EIF4G2: variants seen among roughly 807,000 people sequenced by gnomAD.
The protein encoded by EIF4G2 is eukaryotic translation initiation factor 4 gamma 2.
A neutral mutation model predicts 117.7 loss-of-function variants in EIF4G2; 8 were observed. The ratio of observed to expected loss-of-function variants is 0.07; its 90% CI spans 0.04 to 0.12. EIF4G2 has a LOEUF of 0.12. EIF4G2 is among the 10% of genes least tolerant of loss of function. EIF4G2 has a pLI of 1.00. For synonymous variants in EIF4G2, 413 were observed against 367.8 expected, an observed-to-expected ratio of 1.12 and a Z score of -1.41; for missense variants, 812 against 1,086.2, an observed-to-expected ratio of 0.75 and a Z score of 3.55.
chr11:10,798,198 A>AT (rs1007287629), intron 21 of EIF4G2, among the ~76,000 whole-genome samples: 12 of 152,170 alleles, frequency 7.9e-5, no homozygotes, highest in African/African-American at 2.9e-4. Context: ...AATCACCTGG[A>AT]TTTTGTACCA....
In EIF4G2 at chr11:10,801,694, C is replaced by G; in HGVS notation, c.1380G>C (p.Arg460=). 1 of 1,614,128 alleles carries G rather than the reference C, an allele frequency of 6.2e-7. No individual in the cohort carries two copies. Among genetic ancestry groups the G allele is most frequent in the Non-Finnish European group, 8.5e-7 (1 of 1,180,012 alleles). Residue 460 remains arginine, a synonymous_variant, in exon 14 of 22, where the codon CGG becomes CGC. Transcript: ENST00000339995. ...CATTAAGCTGTCCTTTCTTAGAAAA[C>G]CGAGGTGGCATATCCTTCGACTGTC...
At chr11:10,806,109 TTC>T in intron 3 of EIF4G2, 62 bp from the exon 4 acceptor site, 10 of 1,601,232 alleles carry the variant, frequency 6.2e-6, no homozygotes, top group Non-Finnish European at 8.5e-6. Context: ...ACATCATAAA[TTC>T]TCTTACATAG....
chr11:10,807,664 G>A (rs1847622391), intron 1 of EIF4G2: 11 of 1,026,200 alleles, frequency 1.1e-5, no homozygotes, highest in Non-Finnish European at 1.3e-5. Context: ...TTAAAACTGA[G>A]CACTGAGATC....
chr11:10,798,006 T>C (rs749785136), intron 21 of EIF4G2, 125 bp from the exon 22 acceptor site: 116 of 825,812 alleles, frequency 1.4e-4, no homozygotes, highest in Non-Finnish European at 1.3e-4. Context: ...ACAATTTGTA[T>C]ATTAAGTTAA....
At chr11:10,806,329 AACC>A (rs1459624144) in intron 3 of EIF4G2, 3 of 451,466 alleles carry the variant, frequency 6.6e-6, no homozygotes, top group Non-Finnish European at 1.2e-5. Flanking sequence ...AACGCTGTGG[AACC>A]ACATTTTGAA....
At chr11:10,800,054 TAAAAA>T in intron 18 of EIF4G2, 31 bp downstream of exon 18, 1 of 1,595,890 alleles carries the variant, frequency 6.3e-7, no homozygotes, top group East Asian at 2.2e-5. Context: ...GATATAATAT[TAAAAA>T]AACAAAACAA....
At chr11:10,807,698 A>T (rs919411121) in intron 1 of EIF4G2, 47 of 999,476 alleles carry the variant, frequency 4.7e-5, no homozygotes, top group Non-Finnish European at 5.2e-5. Context: ...AACTACAGAC[A>T]CGAGCAACAT....
chr11:10,807,919 G>A (rs1474001217), intron 1 of EIF4G2: 3 of 1,013,794 alleles, frequency 3.0e-6, no homozygotes, highest in Non-Finnish European at 3.5e-6. Flanking sequence ...ATGGCAGCAG[G>A]AACCTCCGCC....
chr11:10,808,469 A>T, intron 1 of EIF4G2: 2 of 1,258,174 alleles, frequency 1.6e-6, no homozygotes, highest in South Asian at 1.3e-5. Flanking sequence ...CCATCCGGCC[A>T]TGACCGCACG....
chr11:10,806,893 A>T lies in EIF4G2; in HGVS notation c.42-8T>A, dbSNP rs977721210. The T allele has an allele frequency of 6.2e-7, 1 of 1,613,800 alleles. No individual in the cohort carries two copies. The highest frequency in any genetic ancestry group is 8.5e-7 in the Non-Finnish European group (1 of 1,179,996). ...CCTCCGCCCGAAGAAGCACTATTTA[A>T]AAGAAAAAAATTGTTTACTGTATCC... On this transcript the variant is annotated splice_region_variant and splice_polypyrimidine_tract_variant and intron_variant, in intron 2 of 21. Transcript: ENST00000339995.
At position 10,800,221 on chromosome 11, in the gene EIF4G2, T is replaced by C; in HGVS notation, c.1988A>G (p.Gln663Arg). The C allele has an allele frequency of 1.2e-6, 2 of 1,614,220 alleles. No homozygotes were observed. Among genetic ancestry groups the C allele is most frequent in the African/African-American group, 1.3e-5 (1 of 75,066 alleles). Reference sequence around the variant, plus strand: ...AAAATGGGTGCCACTTTCTAGTGGTTGAGCTAGTTCTGAAATGCTCACCAG... The same window carrying C: ...AAAATGGGTGCCACTTTCTAGTGGTCGAGCTAGTTCTGAAATGCTCACCAG... The change falls in exon 18 of 22, where the codon CAA becomes CGA. Residue 663 changes from glutamine to arginine, a missense_variant. Gln to Arg is a conservative substitution (Grantham distance 43, BLOSUM62 1). This residue lies in a region of EIF4G2 where 571 missense variants were observed against 642.3 expected (regional missense o/e 0.89). Coordinates refer to ENST00000339995, the MANE Select transcript of EIF4G2 (RefSeq NM_001418.4).
chr11:10,806,749 T>G, intron 3 of EIF4G2, 71 bp downstream of exon 3: 1 of 1,553,648 alleles, frequency 6.4e-7, no homozygotes, highest in Non-Finnish European at 8.9e-7. Context: ...TTGCCTTAAT[T>G]ATACCGTCAC....
chr11:10,799,364 A>G lies in EIF4G2; in HGVS notation c.2385T>C (p.Ser795=), dbSNP rs1847354411. 1 of 1,613,290 alleles carries G rather than the reference A, an allele frequency of 6.2e-7. No homozygotes were observed. The highest frequency in any genetic ancestry group is 8.5e-7 in the Non-Finnish European group (1 of 1,180,040). ...GCTCTAACTGTTCTTTGGAAGGAGC[A>G]GAGGATGAATCTGTTTCATCGCTGG... Residue 795 remains serine, a synonymous_variant, in exon 20 of 22, where the codon TCT becomes TCC. Coordinates refer to ENST00000339995, the MANE Select transcript of EIF4G2 (RefSeq NM_001418.4).
chr11:10,808,527 GAAGA>G, intron 1 of EIF4G2, 174 bp downstream of exon 1: 1 of 1,194,280 alleles, frequency 8.4e-7, no homozygotes, highest in Non-Finnish European at 1.1e-6. Flanking sequence ...TCAGCAACAG[GAAGA>G]GAGAACAAAA....
intron 5 of EIF4G2, chr11:10,804,704 A>G (rs1372556897): frequency 3.3e-6 from 2 of 603,220 alleles, no homozygotes; most frequent in Non-Finnish European, 5.7e-6. Flanking sequence ...TTACCTCTTC[A>G]ACCATACCAT....
intron 11 of EIF4G2, among the ~76,000 whole-genome samples, 161 bp from the exon 12 acceptor site, chr11:10,802,596 A>ATT (rs1438006770): frequency 6.6e-5 from 10 of 152,322 alleles, no homozygotes; most frequent in African/African-American, 2.2e-4. Flanking sequence ...GCTGGGCATG[A>ATT]TGGCTCACAT....
At chr11:10,808,661 C>A in intron 1 of EIF4G2, 44 bp downstream of exon 1, 1 of 283,378 alleles carries the variant, frequency 3.5e-6, no homozygotes, top group South Asian at 4.0e-5. Context: ...GGACGGCGGC[C>A]ATTTTAGAGC....
rs777695559 is a variant in EIF4G2, at chr11:10,799,204, T to C, written c.2536+9A>G. On this transcript the variant is annotated intron_variant, in intron 20 of 21. Coordinates refer to ENST00000339995, the MANE Select transcript of EIF4G2 (RefSeq NM_001418.4). The stretch of plus-strand genomic sequence containing the variant: ...CCTCACGCCGTTCTTCTGATACAAG[T>C]CCTCTCACCTTTTGGGAAGTTGCTG... 6.2e-7 allele frequency: 1 copy of C among 1,613,596 alleles called. No individual in the cohort carries two copies. The highest frequency in any genetic ancestry group is 8.5e-7 in the Non-Finnish European group (1 of 1,179,808).
intron 14 of EIF4G2, chr11:10,801,392 T>C: frequency 1.6e-6 from 1 of 631,848 alleles, no homozygotes; most frequent in Non-Finnish European, 2.8e-6. Flanking sequence ...TATCCTTAGT[T>C]AAATCACCCT....
Sources: allele counts gnomAD v4.1 joint callset (sites outside exome capture counted in the v4.1 genomes callset), GRCh38; gene constraint gnomAD v4.1.1; regional missense constraint gnomAD v4.1.1; transcripts MANE v1.5; gene names NCBI Gene and HGNC (gene_info 2026-07-23, HGNC 2026-07-21).